Variants in NAALADL2 observed in about 807,000 individuals in gnomAD.
The protein encoded by NAALADL2 is N-acetylated alpha-linked acidic dipeptidase like 2.
A neutral mutation model predicts 87.2 loss-of-function variants in NAALADL2; 76 were observed. That is an observed-to-expected ratio of 0.87 (90% CI 0.72 to 1.05). NAALADL2 has a LOEUF of 1.05. Ranked by LOEUF, NAALADL2 falls within the 50% of genes least tolerant of loss-of-function variation. NAALADL2 has a pLI of 0.00. For synonymous variants in NAALADL2, 354 were observed against 331.0 expected, an observed-to-expected ratio of 1.07 and a Z score of -0.75; for missense variants, 1,089 against 945.8, an observed-to-expected ratio of 1.15 and a Z score of -1.99.
chr3:175,415,783 A>G (rs1393045397), intron 5 of NAALADL2, among the ~76,000 whole-genome samples: 1 of 151,892 alleles, frequency 6.6e-6, no homozygotes, highest in Non-Finnish European at 1.5e-5. Context: ...ATATTAGGCA[A>G]TATATAGCCA....
chr3:174,875,112 CAAAAAAAAAAAAAAAA>C (rs10547300), intron 1 of NAALADL2, among the ~76,000 whole-genome samples: 1 of 41,524 alleles, frequency 2.4e-5, no homozygotes, highest in Non-Finnish European at 4.5e-5. Context: ...GACCCTGTCT[CAAAAAAAAAAAAAAAA>C]AAAAAAAAAA....
intron 2 of NAALADL2, among the ~76,000 whole-genome samples, chr3:174,652,726 G>GA (rs1399772219): frequency 6.6e-6 from 1 of 151,944 alleles, no homozygotes; most frequent in African/African-American, 2.4e-5. Context: ...CACATAAAGT[G>GA]AAAAAATCCT....
intron 11 of NAALADL2, among the ~76,000 whole-genome samples, chr3:175,732,271 G>A (rs533271990): frequency 1.6e-4 from 24 of 152,194 alleles, no homozygotes; most frequent in African/African-American, 5.5e-4. Context: ...ATGATGGGGG[G>A]GATGCATAGG....
chr3:174,532,070 GTATAAA>G (rs1449824939), intron 1 of NAALADL2, among the ~76,000 whole-genome samples: 1 of 152,142 alleles, frequency 6.6e-6, no homozygotes, highest in Non-Finnish European at 1.5e-5. Flanking sequence ...TACAGTTTTA[GTATAAA>G]TATAAACAGA....
At chr3:175,496,095 C>T (rs1305383661) in intron 9 of NAALADL2, among the ~76,000 whole-genome samples, 1 of 152,086 alleles carries the variant, frequency 6.6e-6, no homozygotes, top group Non-Finnish European at 1.5e-5. Flanking sequence ...GCCTGTGTCA[C>T]AGTCATTAAT....
At chr3:175,720,456 G>A (rs1347706580) in intron 11 of NAALADL2, among the ~76,000 whole-genome samples, 1 of 151,944 alleles carries the variant, frequency 6.6e-6, no homozygotes, top group Non-Finnish European at 1.5e-5. Flanking sequence ...AACAACAAAG[G>A]AAGGAAAATA....
intron 1 of NAALADL2, among the ~76,000 whole-genome samples, chr3:175,055,364 A>G (rs1463048074): frequency 6.6e-6 from 1 of 152,176 alleles, no homozygotes. Context: ...ACCCCTTTCA[A>G]ATTTAAACTA....
intron 2 of NAALADL2, among the ~76,000 whole-genome samples, chr3:175,146,018 C>A (rs1175586071): frequency 6.6e-6 from 1 of 151,958 alleles, no homozygotes; most frequent in Non-Finnish European, 1.5e-5. Flanking sequence ...TCTCAGTTTC[C>A]ACCTTTGTCA....
intron 4 of NAALADL2, among the ~76,000 whole-genome samples, chr3:175,262,583 T>A (rs1404253760): frequency 1.3e-5 from 2 of 148,620 alleles, no homozygotes; most frequent in Non-Finnish European, 3.0e-5. Flanking sequence ...TGAGTGTGTG[T>A]GTGTGTGTGT....
intron 13 of NAALADL2, among the ~76,000 whole-genome samples, chr3:175,772,733 C>G (rs959513583): frequency 1.3e-5 from 2 of 152,132 alleles, no homozygotes; most frequent in Non-Finnish European, 2.9e-5. Context: ...TCACAGGACA[C>G]TTCCTTTGAG....
chr3:174,836,314 T>C (rs891592737), intron 3 of NAALADL2, among the ~76,000 whole-genome samples: 1 of 152,020 alleles, frequency 6.6e-6, no homozygotes, highest in Admixed American at 6.6e-5. Context: ...TAGAAGGGCG[T>C]TACTGTAGGC....
At chr3:175,071,539 A>G (rs1715643622) in intron 1 of NAALADL2, among the ~76,000 whole-genome samples, 1 of 152,008 alleles carries the variant, frequency 6.6e-6, no homozygotes, top group South Asian at 2.1e-4. Flanking sequence ...CACATTTGTA[A>G]CACTCCTGTA....
intron 5 of NAALADL2, among the ~76,000 whole-genome samples, chr3:175,340,838 C>T (rs1762494475): frequency 6.6e-6 from 1 of 152,106 alleles, no homozygotes; most frequent in South Asian, 2.1e-4. Flanking sequence ...CAAAGAGTCC[C>T]TCTATTGGAG....
intron 11 of NAALADL2, among the ~76,000 whole-genome samples, chr3:175,711,768 G>C (rs557176067): frequency 6.6e-6 from 1 of 151,806 alleles, no homozygotes; most frequent in Non-Finnish European, 1.5e-5. Context: ...GTTATGAGGA[G>C]ATATAAAGTA....
At chr3:175,724,897 C>T (rs549025793) in intron 11 of NAALADL2, among the ~76,000 whole-genome samples, 1 of 151,714 alleles carries the variant, frequency 6.6e-6, no homozygotes, top group Admixed American at 6.6e-5. Context: ...TCAACTGGCA[C>T]ATATAAAAGG....
chr3:174,867,737 C>A (rs1338048588), intron 1 of NAALADL2, among the ~76,000 whole-genome samples: 1 of 151,942 alleles, frequency 6.6e-6, no homozygotes, highest in Non-Finnish European at 1.5e-5. Context: ...AAACAAGAAG[C>A]TTTAAATAAA....
intron 5 of NAALADL2, among the ~76,000 whole-genome samples, chr3:175,439,307 T>C (rs1337365725): frequency 6.6e-6 from 1 of 151,072 alleles, no homozygotes; most frequent in East Asian, 2.0e-4. Flanking sequence ...AACATGCATG[T>C]GCAAGTATTT....
chr3:175,455,305 G>A (rs1353010547), intron 6 of NAALADL2, among the ~76,000 whole-genome samples: 1 of 152,016 alleles, frequency 6.6e-6, no homozygotes, highest in Non-Finnish European at 1.5e-5. Flanking sequence ...CTGGGGTAAG[G>A]TTAATGGAGG....
At chr3:174,588,594 C>T (rs1167266417) in intron 2 of NAALADL2, among the ~76,000 whole-genome samples, 1 of 152,214 alleles carries the variant, frequency 6.6e-6, no homozygotes, top group African/African-American at 2.4e-5. Flanking sequence ...TTCCTTCTAA[C>T]TGTCAGGACC....
Sources: gnomAD v4.1 joint callset for allele counts (sites outside exome capture counted in the v4.1 genomes callset) on GRCh38, gnomAD v4.1.1 for gene constraint, MANE v1.5 for transcripts, NCBI Gene and HGNC (gene_info 2026-07-23, HGNC 2026-07-21) for gene names.